Variants in DYNC2H1 observed in about 807,000 individuals in gnomAD.
DYNC2H1 encodes the protein cytoplasmic dynein 2 heavy chain 1.
DYNC2H1 carries 410 observed loss-of-function variants against 570.0 expected under a neutral mutation model. The ratio of observed to expected loss-of-function variants is 0.72; its 90% CI spans 0.66 to 0.78. The LOEUF (loss-of-function observed/expected upper bound fraction) is 0.78, where lower values mean the gene tolerates loss of function less well. Ranked by LOEUF, DYNC2H1 falls within the 30% of genes least tolerant of loss-of-function variation. The pLI is 0.00. For synonymous variants in DYNC2H1, 1,688 were observed against 1,677.6 expected (o/e 1.01, Z -0.15); for missense variants, 4,865 against 5,046.4 (o/e 0.96, Z 1.09).
chr11:103,166,990 C>CTTTTTTTT (rs34816989), intron 31 of DYNC2H1, among the ~76,000 whole-genome samples: 8 of 56,982 alleles, frequency 1.4e-4, no homozygotes, highest in African/African-American at 2.9e-4. Context: ...GAGGCGCTGC[C>CTTTTTTTT]TTTTTTTTTT....
intron 75 of DYNC2H1, among the ~76,000 whole-genome samples, chr11:103,295,041 A>T (rs1866762909): frequency 6.6e-6 from 1 of 152,088 alleles, no homozygotes; most frequent in South Asian, 2.1e-4. Flanking sequence ...GGGCTGCTGC[A>T]ATTGGTGTTA....
At chr11:103,246,438 T>C (rs1241865147) in intron 65 of DYNC2H1, among the ~76,000 whole-genome samples, 2 of 152,036 alleles carry the variant, frequency 1.3e-5, no homozygotes. Flanking sequence ...GTTTTAATGG[T>C]ATGTGTGGCA....
Position 103,172,069 on chromosome 11 carries a change from ATT to A in DYNC2H1, c.5334+1004_5334+1005del, listed in dbSNP as rs563479200. 3.9e-5 allele frequency among the ~76,000 whole-genome samples: 6 copies of A among 152,302 alleles called. No homozygotes were observed. The South Asian group carries it at 1.2e-3, about 32-fold the overall frequency. On this transcript the variant is annotated intron_variant, in intron 34 of 88. Coordinates refer to ENST00000375735, the MANE Select transcript of DYNC2H1 (RefSeq NM_001377.3). ...AAATTATCATGTTATATAAAATAAC[ATT>A]TTAACAGTACATAGTTTTCTAGGTA...
intron 75 of DYNC2H1, among the ~76,000 whole-genome samples, chr11:103,294,078 AT>A (rs1054405361): frequency 6.6e-6 from 1 of 151,960 alleles, no homozygotes; most frequent in African/African-American, 2.4e-5. Context: ...GTCTCAAAAA[AT>A]TTTTTTCTCT....
intron 83 of DYNC2H1, among the ~76,000 whole-genome samples, chr11:103,381,849 A>G (rs2671389): frequency 0.33 from 50,603 of 152,196 alleles, 10,229 homozygotes; most frequent in Non-Finnish European, 0.45. Flanking sequence ...ATTTAAGTAT[A>G]TAACTTTTAA....
At chr11:103,283,539 C>T (rs925141119) in intron 73 of DYNC2H1, among the ~76,000 whole-genome samples, 1 of 152,106 alleles carries the variant, frequency 6.6e-6, no homozygotes, top group Admixed American at 6.6e-5. Context: ...ATAACAGCAC[C>T]TGATAAAAAC....
At chr11:103,113,826 T>C (rs1321333821) in intron 2 of DYNC2H1, 119 bp downstream of exon 2, 5 of 919,794 alleles carry the variant, frequency 5.4e-6, no homozygotes, top group Non-Finnish European at 7.5e-6. Context: ...AATTAAAATA[T>C]CTTTTCTTAA....
At chr11:103,390,284 C>T (rs7938003) in intron 83 of DYNC2H1, among the ~76,000 whole-genome samples, 99,990 of 149,260 alleles carry the variant, frequency 0.67, 33,676 homozygotes, top group Admixed American at 0.73. Context: ...TCTTTGTTGG[C>T]TTAAAGTCTG....
At position 103,479,324 on chromosome 11, in the gene DYNC2H1, G is replaced by A; in HGVS notation, c.*71G>A. 1.3e-6 allele frequency: 2 copies of A among 1,511,002 alleles called. No individual in the cohort carries two copies. The highest frequency in any genetic ancestry group is 1.8e-6 in the Non-Finnish European group (2 of 1,124,132). 93.6% of individuals were successfully genotyped at this position (1,511,002 alleles called of 1,614,324 possible). ...TCTTTAAGCTTTAAATCAAACATGT[G>A]GTCAGTCTACATTTGAAATGTTAGT... On this transcript the variant is annotated 3_prime_UTR_variant, in exon 89 of 89. Coordinates refer to ENST00000375735, the MANE Select transcript of DYNC2H1 (RefSeq NM_001377.3).
chr11:103,191,031 T>C (rs1862287562), intron 45 of DYNC2H1, among the ~76,000 whole-genome samples: 1 of 109,426 alleles, frequency 9.1e-6, no homozygotes, highest in Non-Finnish European at 1.8e-5. Context: ...TATATATATT[T>C]TTTTTCTTTT....
rs371762802 is a variant in DYNC2H1 at position 103,191,658 on chromosome 11, G to A, written c.7540+39G>A. 2.7e-5 allele frequency: 36 copies of A among 1,342,566 alleles called. No individual in the cohort carries two copies. In the African/African-American group the frequency reaches 4.2e-4, roughly 16 times the overall value. The allele number at this position is 1,342,566 out of a possible 1,614,324, so 83.2% of individuals were successfully genotyped here. ...GTGTGTATCTTGTGTGTGTGTGTGT[G>A]TGTGCACATTTATTCTCTAGATTGT... On this transcript the variant is annotated intron_variant, in intron 46 of 88. Coordinates refer to ENST00000375735, the MANE Select transcript of DYNC2H1 (RefSeq NM_001377.3).
At chr11:103,430,517 T>C (rs1338181151) in intron 84 of DYNC2H1, among the ~76,000 whole-genome samples, 1 of 152,134 alleles carries the variant, frequency 6.6e-6, no homozygotes, top group Non-Finnish European at 1.5e-5. Context: ...TTCGTCTTCC[T>C]AATGTTGTTC....
chr11:103,202,180 G>A (rs1862745182), intron 50 of DYNC2H1, among the ~76,000 whole-genome samples: 1 of 152,120 alleles, frequency 6.6e-6, no homozygotes. Context: ...TAGTACTTGA[G>A]TGGACTTAGA....
Position 103,125,385 on chromosome 11 carries a change from T to TTA in DYNC2H1, c.1857+90_1857+91insTA. 5 of 869,302 alleles carry TTA rather than the reference T, an allele frequency of 5.8e-6. No homozygotes were observed. In the African/African-American group the frequency reaches 9.2e-5, roughly 16 times the overall value. 53.8% of individuals were successfully genotyped at this position (869,302 alleles called of 1,614,324 possible). On this transcript the variant is annotated intron_variant, in intron 12 of 88. Transcript: ENST00000375735. Reference sequence around the variant, plus strand: ...TAAAGGCTTTTTTTTTTTTTTTTTTTAGGCTCATAGAATAGCACTGCCAGC... The same window carrying TTA: ...TAAAGGCTTTTTTTTTTTTTTTTTTTTAAGGCTCATAGAATAGCACTGCCAGC...
Position 103,133,727 on chromosome 11 carries a change from T to C in DYNC2H1, c.2106+20T>C, listed in dbSNP as rs1406884528. 5.8e-6 allele frequency: 9 copies of C among 1,551,978 alleles called. No individual in the cohort carries two copies. The highest frequency in any genetic ancestry group is 7.8e-6 in the Non-Finnish European group (9 of 1,148,320). On this transcript the variant is annotated intron_variant, in intron 14 of 88. Transcript: ENST00000375735. This position sits in a 1 kb window ranked among gnomAD's most constrained non-coding sequence, Gnocchi z 4.8. ...GAAAAGGTATATTTTGTTTATAAAA[T>C]TGAATAAGCTATGAATGATATTATT... is the stretch of plus-strand genomic sequence containing the variant.
chr11:103,375,491 T>A (rs557132618), intron 83 of DYNC2H1, among the ~76,000 whole-genome samples: 12 of 152,100 alleles, frequency 7.9e-5, no homozygotes, highest in South Asian at 4.1e-4. Flanking sequence ...AAACCAGCTG[T>A]GAAAGCAGCC....
rs1866353729 is a variant in DYNC2H1, at chr11:103,286,392, A to G, written c.11022+6A>G. On this transcript the variant is annotated splice_donor_region_variant and intron_variant, in intron 74 of 88. Coordinates refer to ENST00000375735, the MANE Select transcript of DYNC2H1 (RefSeq NM_001377.3). ...AAGTTTCCTTATTTCAGCAGGTAAA[A>G]TTTAGTGTTATCTAAATGCAAAAAA... is the stretch of plus-strand genomic sequence containing the variant. The G allele has an allele frequency of 1.9e-6, 3 of 1,608,848 alleles. No homozygotes were observed. The highest frequency in any genetic ancestry group is 2.5e-6 in the Non-Finnish European group (3 of 1,178,656).
intron 13 of DYNC2H1, among the ~76,000 whole-genome samples, chr11:103,132,695 C>A (rs1173735529): frequency 6.6e-6 from 1 of 150,806 alleles, no homozygotes; most frequent in East Asian, 1.9e-4. Flanking sequence ...CCTGCTGGGC[C>A]CTACAGTACC....
At chr11:103,463,150 TCTAAATATATA>T (rs1426418275) in intron 87 of DYNC2H1, among the ~76,000 whole-genome samples, 4 of 152,138 alleles carry the variant, frequency 2.6e-5, no homozygotes, top group African/African-American at 9.7e-5. Flanking sequence ...TCCACTCTTA[TCTAAATATATA>T]CTAATGATTG....
Sources: allele counts gnomAD v4.1 joint callset (sites outside exome capture counted in the v4.1 genomes callset), GRCh38; gene constraint gnomAD v4.1.1; non-coding constraint Gnocchi (gnomAD v3.1); transcripts MANE v1.5; gene names NCBI Gene and HGNC (gene_info 2026-07-23, HGNC 2026-07-21).